Variants in AUTS2 observed in about 807,000 individuals in gnomAD.
AUTS2 encodes autism susceptibility gene 2 protein.
In AUTS2, 17 loss-of-function variants were observed where a neutral mutation model predicts 112.4. The ratio of observed to expected loss-of-function variants is 0.15; its 90% confidence interval spans 0.10 to 0.23. The LOEUF is 0.23. Ranked by LOEUF, AUTS2 falls within the 10% of genes least tolerant of loss-of-function variation. The probability of loss-of-function intolerance (pLI) is 1.00; values close to 1 mark genes in which losing one functional copy is unlikely to be tolerated. For synonymous variants in AUTS2, 751 were observed against 702.7 expected (o/e 1.07, Z -1.09); for missense variants, 1,510 against 1,701.6 (o/e 0.89, Z 1.98).
intron 1 of AUTS2, among the ~76,000 whole-genome samples, chr7:69,775,929 T>TG (rs1050461323): frequency 4.6e-5 from 7 of 152,144 alleles, no homozygotes; most frequent in Non-Finnish European, 8.8e-5. Context: ...AGATTGGCCC[T>TG]GGGTAGGAGA....
chr7:69,689,946 G>A (rs1180905006), intron 1 of AUTS2, among the ~76,000 whole-genome samples: 8 of 151,814 alleles, frequency 5.3e-5, no homozygotes, highest in African/African-American at 1.2e-4. Context: ...GCCTGCCTTG[G>A]CCTCCCAAAG....
intron 2 of AUTS2, among the ~76,000 whole-genome samples, chr7:69,940,935 T>C (rs1032754783): frequency 1.3e-5 from 2 of 152,196 alleles, no homozygotes; most frequent in Non-Finnish European, 2.9e-5. Flanking sequence ...GACTGGAACA[T>C]GAACAAATTA....
chr7:70,302,906 C>CTTTTTT (rs61466921), intron 4 of AUTS2, among the ~76,000 whole-genome samples: 1 of 127,894 alleles, frequency 7.8e-6, no homozygotes, highest in African/African-American at 2.9e-5. Context: ...GAAAGATCTT[C>CTTTTTT]TTTTTTTTTT....
chr7:69,687,841 C>T (rs1797131328), intron 1 of AUTS2, among the ~76,000 whole-genome samples: 1 of 152,168 alleles, frequency 6.6e-6, no homozygotes, highest in Non-Finnish European at 1.5e-5. Context: ...TTTTCCTTCT[C>T]CTTTGCTTTG....
chr7:69,707,625 T>C (rs1798125899), intron 1 of AUTS2, among the ~76,000 whole-genome samples: 1 of 152,210 alleles, frequency 6.6e-6, no homozygotes, highest in African/African-American at 2.4e-5. Flanking sequence ...GAATGAACTA[T>C]CTTTTGTGCC....
intron 2 of AUTS2, among the ~76,000 whole-genome samples, chr7:70,107,412 C>T (rs952693467): frequency 2.9e-5 from 4 of 138,816 alleles, no homozygotes; most frequent in Non-Finnish European, 6.1e-5. Context: ...AGCGTGATCT[C>T]GGTTCACTGC....
intron 6 of AUTS2, among the ~76,000 whole-genome samples, chr7:70,761,584 C>T (rs1425742806): frequency 6.6e-6 from 1 of 152,172 alleles, no homozygotes; most frequent in Non-Finnish European, 1.5e-5. Flanking sequence ...AGTACTTACT[C>T]CCAAATGGGG....
chr7:69,763,987 A>AGGTCAGTTG (rs1788304937), intron 1 of AUTS2, among the ~76,000 whole-genome samples: 1 of 152,204 alleles, frequency 6.6e-6, no homozygotes, highest in Non-Finnish European at 1.5e-5. Flanking sequence ...AATTCAAAGC[A>AGGTCAGTTG]GGGTGTATTC....
At chr7:70,655,529 C>A (rs949525707) in intron 5 of AUTS2, among the ~76,000 whole-genome samples, 1 of 152,140 alleles carries the variant, frequency 6.6e-6, no homozygotes, top group Non-Finnish European at 1.5e-5. Context: ...CATGTGGCAC[C>A]GTGCTTTACG....
intron 4 of AUTS2, among the ~76,000 whole-genome samples, chr7:70,322,700 A>T (rs1283927248): frequency 6.6e-6 from 1 of 152,214 alleles, no homozygotes; most frequent in Non-Finnish European, 1.5e-5. Flanking sequence ...CAAACCAAAG[A>T]AATAGGCCCA....
intron 1 of AUTS2, among the ~76,000 whole-genome samples, chr7:69,752,136 C>T (rs1265681180): frequency 6.6e-6 from 1 of 152,224 alleles, no homozygotes; most frequent in East Asian, 1.9e-4. Flanking sequence ...TTTGAGTTCA[C>T]TGGTCTGGCA....
chr7:70,726,898 C>T (rs1008539723), intron 6 of AUTS2, among the ~76,000 whole-genome samples: 3 of 152,178 alleles, frequency 2.0e-5, no homozygotes, highest in African/African-American at 7.2e-5. Context: ...CAATCCCATC[C>T]CCCTTCCTCA....
intron 1 of AUTS2, among the ~76,000 whole-genome samples, chr7:69,864,945 T>G (rs1400973686): frequency 6.6e-6 from 1 of 152,164 alleles, no homozygotes; most frequent in Non-Finnish European, 1.5e-5. Flanking sequence ...CATCTGCTCT[T>G]CTGTACACAC....
At chr7:69,755,038 G>A (rs1304586325) in intron 1 of AUTS2, among the ~76,000 whole-genome samples, 1 of 152,164 alleles carries the variant, frequency 6.6e-6, no homozygotes, top group Non-Finnish European at 1.5e-5. Context: ...TGAGATGAGG[G>A]AGCACAATTA....
chr7:69,920,536 A>G (rs1795768521), intron 2 of AUTS2, among the ~76,000 whole-genome samples: 1 of 152,120 alleles, frequency 6.6e-6, no homozygotes, highest in African/African-American at 2.4e-5. Context: ...TCTACCTGCC[A>G]TGGCCTCCCA....
chr7:70,066,273 C>G (rs1385839436), intron 2 of AUTS2, among the ~76,000 whole-genome samples: 1 of 152,160 alleles, frequency 6.6e-6, no homozygotes, highest in East Asian at 1.9e-4. Context: ...AGTGATTGAT[C>G]ATAAATTATA....
At chr7:69,997,843 A>G (rs957279692) in intron 2 of AUTS2, among the ~76,000 whole-genome samples, 1 of 152,166 alleles carries the variant, frequency 6.6e-6, no homozygotes, top group Admixed American at 6.5e-5. Flanking sequence ...AAAACATCCA[A>G]ATCGTATTAC....
chr7:70,256,065 T>C (rs1227941322), intron 4 of AUTS2, among the ~76,000 whole-genome samples: 1 of 152,208 alleles, frequency 6.6e-6, no homozygotes, highest in Non-Finnish European at 1.5e-5. Context: ...ATAATGAATG[T>C]GTAGGACGCT....
intron 4 of AUTS2, among the ~76,000 whole-genome samples, chr7:70,329,484 G>A (rs547667812): frequency 1.3e-5 from 2 of 152,054 alleles, no homozygotes; most frequent in South Asian, 4.1e-4. Context: ...TGGGTATGAA[G>A]TGGTACCTCA....
Sources: gnomAD v4.1 joint callset for allele counts (sites outside exome capture counted in the v4.1 genomes callset) on GRCh38, gnomAD v4.1.1 for gene constraint, MANE v1.5 for transcripts, NCBI Gene and HGNC (gene_info 2026-07-23, HGNC 2026-07-21) for gene names.